The following SRPRB variants were observed in gnomAD, a reference collection of about 807,000 sequenced individuals.
The protein encoded by SRPRB is SRP receptor subunit beta, also known as signal recognition particle receptor subunit beta.
Under a neutral mutation model 31.9 loss-of-function variants are expected in SRPRB, and 20 were observed. The observed-to-expected ratio is 0.63, with a 90% CI of 0.44 to 0.91. The LOEUF (loss-of-function observed/expected upper bound fraction) is 0.91. SRPRB is among the 40% of genes least tolerant of loss of function. The pLI, the probability that SRPRB is intolerant of heterozygous loss-of-function variation, is 0.00. For synonymous variants in SRPRB, 146 were observed against 132.8 expected (o/e 1.10, Z -0.68); for missense variants, 321 against 324.9 (o/e 0.99, Z 0.09).
intron 1 of SRPRB, chr3:133,785,233 C>T (rs1206522911): frequency 1.0e-4 from 10 of 98,020 alleles, no homozygotes; most frequent in South Asian, 4.9e-4. Flanking sequence ...CGCCTCTGCC[C>T]GGCCGCCCCT....
chr3:133,819,851 G>T lies in SRPRB; in HGVS notation c.*85G>T, dbSNP rs1368018475. The T allele has an allele frequency of 1.6e-5, 19 of 1,220,378 alleles. No homozygotes were observed. The highest frequency in any genetic ancestry group is 2.0e-5 in the Non-Finnish European group (17 of 850,190). 75.6% of individuals were successfully genotyped at this position (1,220,378 alleles called of 1,614,324 possible). A position where few individuals can be genotyped will look rare whatever the true frequency, so the allele number is the denominator to read the frequency against. On this transcript the variant is annotated 3_prime_UTR_variant, in exon 7 of 7. Coordinates refer to ENST00000678299, the MANE Select transcript of SRPRB (RefSeq NM_001379313.1). ...TGGTAGTCTGGAGTTGATGAGGAAG[G>T]GGTACAAGATGTGGTTAGAAACATT...
upstream of SRPRB, among the ~76,000 whole-genome samples, chr3:133,802,466 A>G (rs1015675765): frequency 1.3e-5 from 2 of 152,146 alleles, no homozygotes; most frequent in South Asian, 2.1e-4. Flanking sequence ...CATTAACATT[A>G]GAAACTATCT....
chr3:133,806,417 A>AAGTTGAC (rs1935161349), intron 1 of SRPRB, 192 bp from the exon 2 acceptor site: 1 of 563,402 alleles, frequency 1.8e-6, no homozygotes, highest in African/African-American at 1.9e-5. Flanking sequence ...CTGCAAAGAA[A>AAGTTGAC]AGTTGACAGT....
chr3:133,804,490 T>C (rs1317140796), upstream of SRPRB, among the ~76,000 whole-genome samples: 1 of 152,196 alleles, frequency 6.6e-6, no homozygotes. Flanking sequence ...CATAATTGTT[T>C]TAAGATAATT....
chr3:133,824,843 T>C (rs995582487), downstream of SRPRB: 1 of 152,124 alleles, frequency 6.6e-6, no homozygotes, highest in African/African-American at 2.4e-5. Flanking sequence ...GTAATAAATA[T>C]GGAGTCACAT....
chr3:133,815,566 G>A (rs761521161), intron 4 of SRPRB, 24 bp from the exon 5 acceptor site: 3 of 1,611,992 alleles, frequency 1.9e-6, no homozygotes, highest in Non-Finnish European at 2.5e-6. Context: ...TCACATGCCA[G>A]TTTTTCTTGT....
At chr3:133,828,042 G>C, downstream of SRPRB, 1 of 701,240 alleles carries the variant, frequency 1.4e-6, no homozygotes, top group Non-Finnish European at 2.6e-6. Context: ...GAGAACACAA[G>C]GTTGCCTGTA....
Position 133,821,269 on chromosome 3 carries a change from G to A in SRPRB, c.*1503G>A, listed in dbSNP as rs1224265119. The A allele has an allele frequency of 6.6e-6, 1 of 152,258 alleles. No individual in the cohort carries two copies. Among genetic ancestry groups the A allele is most frequent in the African/African-American group, 2.4e-5 (1 of 41,458 alleles). 9.4% of individuals were successfully genotyped at this position (152,258 alleles called of 1,614,324 possible). A position where few individuals can be genotyped will look rare whatever the true frequency, so the allele number is the denominator to read the frequency against. On this transcript the variant is annotated 3_prime_UTR_variant, in exon 7 of 7. Transcript: ENST00000678299. ...GCTGGAGCACGAAGACAATGTAAAT[G>A]AAACATGAAATGGAGGAGTTGTGAG...
chr3:133,819,505 T>C (rs377715999), intron 6 of SRPRB, 48 bp from the exon 7 acceptor site: 1 of 1,546,440 alleles, frequency 6.5e-7, no homozygotes, highest in African/African-American at 1.4e-5. Flanking sequence ...ATGATTTAAT[T>C]GCTGTATAAA....
chr3:133,806,633 G>A lies in SRPRB; in HGVS notation c.179G>A (p.Arg60Lys). 1 of 1,614,184 alleles carries A rather than the reference G, an allele frequency of 6.2e-7. No homozygotes were observed. Among genetic ancestry groups the A allele is most frequent in the East Asian group, 2.2e-5 (1 of 44,884 alleles). The stretch of plus-strand genomic sequence containing the variant: ...GTCTTCTGGAAGTTAATCCGGAGCA[G>A]AAGGAGCAGTCAGAGAGCTGTTCTT... Reference protein sequence around the residue: ...TLVFWKLIRSRRSSQRAVLLV... With the variant: ...TLVFWKLIRSKRSSQRAVLLV... Residue 60 changes from arginine to lysine, a missense_variant, in exon 2 of 7, where the codon AGA (arginine) becomes AAA (lysine). Coordinates refer to ENST00000678299, the MANE Select transcript of SRPRB (RefSeq NM_001379313.1).
At chr3:133,793,133 A>G (rs1934881861) in intron 1 of SRPRB, 1 of 152,132 alleles carries the variant, frequency 6.6e-6, no homozygotes. Flanking sequence ...ATAATGAAAG[A>G]TCTTTGTTTG....
At chr3:133,797,233 G>A (rs965029359) in intron 1 of SRPRB, among the ~76,000 whole-genome samples, 2 of 152,188 alleles carry the variant, frequency 1.3e-5, no homozygotes, top group African/African-American at 4.8e-5. Context: ...TACACTTTGT[G>A]TTAAAAATTC....
At chr3:133,803,701 G>T (rs1935095930), upstream of SRPRB, among the ~76,000 whole-genome samples, 2 of 148,670 alleles carry the variant, frequency 1.3e-5, no homozygotes, top group African/African-American at 2.5e-5. Flanking sequence ...GTCTTGCTCT[G>T]TTGCCCAGGC....
chr3:133,817,969 G>A (rs988813199), intron 6 of SRPRB, among the ~76,000 whole-genome samples: 4 of 152,140 alleles, frequency 2.6e-5, no homozygotes, highest in South Asian at 4.1e-4. Context: ...AAAAATATGC[G>A]ACAAAATATT....
At chr3:133,828,427 AC>A, downstream of SRPRB, 2 of 374,040 alleles carry the variant, frequency 5.3e-6, no homozygotes, top group Non-Finnish European at 4.8e-6. Flanking sequence ...CTATAAGTTT[AC>A]AAATATACAA....
At chr3:133,806,028 G>A (rs1417194213) in intron 1 of SRPRB, 26 bp downstream of exon 1, 5 of 1,607,334 alleles carry the variant, frequency 3.1e-6, no homozygotes, top group Non-Finnish European at 4.3e-6. Context: ...TGGTCATGGC[G>A]GGTTTGGGGC....
intron 4 of SRPRB, among the ~76,000 whole-genome samples, chr3:133,812,100 T>C (rs528136298): frequency 2.0e-5 from 3 of 152,372 alleles, no homozygotes; most frequent in African/African-American, 7.2e-5. Flanking sequence ...AAGACACATT[T>C]TAATATCTCT....
At chr3:133,826,797 G>A (rs375499222), downstream of SRPRB, 110 of 152,762 alleles carry the variant, frequency 7.2e-4, no homozygotes, top group African/African-American at 2.5e-3. Context: ...ATTTCAACAC[G>A]TTGCAGTACT....
downstream of SRPRB, chr3:133,828,540 G>T: frequency 2.1e-6 from 1 of 482,692 alleles, no homozygotes; most frequent in Non-Finnish European, 3.6e-6. Flanking sequence ...ACAGTTTTTG[G>T]CAATCTTAAT....
Sources: gnomAD v4.1 joint callset for allele counts (sites outside exome capture counted in the v4.1 genomes callset) on GRCh38, gnomAD v4.1.1 for gene constraint, MANE v1.5 for transcripts, NCBI Gene and HGNC (gene_info 2026-07-23, HGNC 2026-07-21) for gene names.